Variants in SYT16 observed in about 807,000 individuals in gnomAD.
SYT16 encodes the protein synaptotagmin 16, also known as synaptotagmin-16.
A neutral mutation model predicts 61.4 loss-of-function variants in SYT16; 42 were observed. The ratio of observed to expected loss-of-function variants is 0.68; its 90% CI spans 0.53 to 0.89. The LOEUF is 0.89. Among genes scored for constraint, SYT16 ranks in the 40% least tolerant of loss-of-function variants. The pLI is 0.00. For synonymous variants in SYT16, 314 were observed against 302.3 expected, an observed-to-expected ratio of 1.04 and a Z score of -0.40; for missense variants, 804 against 807.3, an observed-to-expected ratio of 1.00 and a Z score of 0.05.
At chr14:62,033,178 T>C (rs534855371) in intron 3 of SYT16, among the ~76,000 whole-genome samples, 31 of 152,178 alleles carry the variant, frequency 2.0e-4, no homozygotes, top group African/African-American at 5.8e-4. Flanking sequence ...TTAAAAACCA[T>C]AGGACAGTTG....
intron 1 of SYT16, among the ~76,000 whole-genome samples, chr14:61,921,205 G>A (rs1239401510): frequency 6.6e-6 from 1 of 152,214 alleles, no homozygotes; most frequent in African/African-American, 2.4e-5. Context: ...GAGCTTGACT[G>A]AATAAATGCT....
At chr14:61,831,626 T>G (rs536359234) in intron 1 of SYT16, among the ~76,000 whole-genome samples, 1 of 152,330 alleles carries the variant, frequency 6.6e-6, no homozygotes, top group Admixed American at 6.5e-5. Context: ...ATCTGTTAAC[T>G]ATTCATTGAT....
chr14:61,974,307 A>T (rs2051692470), intron 2 of SYT16, among the ~76,000 whole-genome samples: 1 of 152,148 alleles, frequency 6.6e-6, no homozygotes, highest in South Asian at 2.1e-4. Flanking sequence ...CCAAGGCCTT[A>T]TGTAGTCAGA....
At chr14:61,944,483 A>G (rs898986711) in intron 1 of SYT16, among the ~76,000 whole-genome samples, 17 of 152,232 alleles carry the variant, frequency 1.1e-4, no homozygotes, top group African/African-American at 3.6e-4. Flanking sequence ...ACTTCTAACT[A>G]TACTACAAGG....
intron 7 of SYT16, among the ~76,000 whole-genome samples, chr14:62,096,518 TAAAA>T (rs2057280047): frequency 6.6e-6 from 1 of 151,978 alleles, no homozygotes; most frequent in African/African-American, 2.4e-5. Flanking sequence ...ACACAGAAGA[TAAAA>T]TAAATGAATC....
At chr14:61,940,004 T>A (rs113859657) in intron 1 of SYT16, among the ~76,000 whole-genome samples, 1 of 152,150 alleles carries the variant, frequency 6.6e-6, no homozygotes, top group South Asian at 2.1e-4. Flanking sequence ...CTCCTTTTTT[T>A]TCAAAAAAAC....
chr14:61,877,975 T>A (rs2140313944), intron 1 of SYT16, among the ~76,000 whole-genome samples: 1 of 152,284 alleles, frequency 6.6e-6, no homozygotes, highest in South Asian at 2.1e-4. Flanking sequence ...ACTGCCAGTA[T>A]ACCTTGCCCT....
At chr14:61,891,685 T>C (rs904195114) in intron 1 of SYT16, among the ~76,000 whole-genome samples, 2 of 152,114 alleles carry the variant, frequency 1.3e-5, no homozygotes, top group Non-Finnish European at 2.9e-5. Context: ...AAAGGAGTGA[T>C]AGGGAAAAGA....
In SYT16 at chr14:61,986,251, A is replaced by G. The variant is rs539373170; in HGVS notation, c.-144-9625A>G. 2.7e-3 allele frequency among the ~76,000 whole-genome samples: 405 copies of G among 152,150 alleles called. 4 individuals carry two copies. Among genetic ancestry groups the G allele is most frequent in the African/African-American group, 9.1e-3 (380 of 41,552 alleles). On this transcript the variant is annotated intron_variant, in intron 2 of 7. Transcript: ENST00000683842. ...AACCAGCTAAACAACTTTTTTTAAT[A>G]TAGAAAATACAGAAGTAAGCTTTAG...
intron 1 of SYT16, among the ~76,000 whole-genome samples, chr14:61,889,209 G>A (rs1420003056): frequency 2.0e-5 from 3 of 152,166 alleles, no homozygotes; most frequent in Non-Finnish European, 4.4e-5. Context: ...GAGCAGGGTA[G>A]GGGTCAGTGG....
chr14:61,884,775 C>G (rs941229838), intron 1 of SYT16, among the ~76,000 whole-genome samples: 3 of 152,116 alleles, frequency 2.0e-5, no homozygotes, highest in Non-Finnish European at 4.4e-5. Flanking sequence ...AAAGCTTTTG[C>G]TCATGCAGTG....
rs554292806 is a variant in SYT16 at position 62,029,781 on chromosome 14, A to G, written c.523+33239A>G. Among the ~76,000 whole-genome samples, 598 of 109,506 alleles carry G rather than the reference A, an allele frequency of 5.5e-3. 3 individuals carry two copies. The highest frequency in any genetic ancestry group is 0.043 in the East Asian group (207 of 4,826). 71.8% of individuals were successfully genotyped at this position (109,506 alleles called of 152,430 possible). On this transcript the variant is annotated intron_variant, in intron 3 of 7. Coordinates refer to ENST00000683842, the MANE Select transcript of SYT16 (RefSeq NM_001367656.1). Reference sequence around the variant, plus strand: ...TCGCTTTTGATGTTAGTCTAGTTGGAAAAAAAAAAAAGTAGTAGGAGGAGA... The same window carrying G: ...TCGCTTTTGATGTTAGTCTAGTTGGGAAAAAAAAAAAGTAGTAGGAGGAGA...
chr14:61,875,764 C>G (rs2047468703), intron 1 of SYT16, among the ~76,000 whole-genome samples: 1 of 152,218 alleles, frequency 6.6e-6, no homozygotes, highest in Non-Finnish European at 1.5e-5. Flanking sequence ...CTGCACCAGA[C>G]CTGCATTGTG....
intron 1 of SYT16, among the ~76,000 whole-genome samples, chr14:61,934,866 A>G (rs1454532257): frequency 1.3e-5 from 2 of 152,210 alleles, no homozygotes; most frequent in East Asian, 1.9e-4. Context: ...TGGACTTGCA[A>G]TACACTTCCC....
At chr14:61,992,868 A>G (rs2052611680) in intron 2 of SYT16, among the ~76,000 whole-genome samples, 1 of 152,178 alleles carries the variant, frequency 6.6e-6, no homozygotes, top group African/African-American at 2.4e-5. Context: ...ATAAATGAGT[A>G]GTGATTTTGA....
intron 3 of SYT16, among the ~76,000 whole-genome samples, chr14:62,024,181 G>C (rs1412337232): frequency 6.6e-6 from 1 of 152,064 alleles, no homozygotes; most frequent in Non-Finnish European, 1.5e-5. Context: ...TTTGGACAAA[G>C]GTGGAAGAGA....
chr14:62,011,479 G>C (rs1345558219), intron 3 of SYT16, among the ~76,000 whole-genome samples: 1 of 152,140 alleles, frequency 6.6e-6, no homozygotes, highest in Non-Finnish European at 1.5e-5. Context: ...CTTAAATTAT[G>C]TGACAAACTT....
At chr14:62,036,764 CATG>C (rs1262201034) in intron 3 of SYT16, among the ~76,000 whole-genome samples, 1 of 152,158 alleles carries the variant, frequency 6.6e-6, no homozygotes, top group Non-Finnish European at 1.5e-5. Context: ...AACCCGCCCT[CATG>C]ATTCAATCAC....
intron 7 of SYT16, among the ~76,000 whole-genome samples, chr14:62,092,217 C>T (rs961686032): frequency 1.5e-5 from 2 of 131,846 alleles, no homozygotes; most frequent in Non-Finnish European, 3.3e-5. Context: ...CACACACACA[C>T]ACACACACAC....
Sources: gnomAD v4.1 joint callset for allele counts (sites outside exome capture counted in the v4.1 genomes callset) on GRCh38, gnomAD v4.1.1 for gene constraint, MANE v1.5 for transcripts, NCBI Gene and HGNC (gene_info 2026-07-23, HGNC 2026-07-21) for gene names.